Variants in MALRD1 observed in about 807,000 individuals in gnomAD.
MALRD1 encodes MAM and LDL receptor class A domain containing 1.
In MALRD1, 247 loss-of-function variants were observed where a neutral mutation model predicts 242.1. The ratio of observed to expected loss-of-function variants is 1.02; its 90% CI spans 0.92 to 1.13. The LOEUF (loss-of-function observed/expected upper bound fraction) is 1.13. Ranked by LOEUF, MALRD1 falls within the 50% of genes most tolerant of loss-of-function variation. The probability of loss-of-function intolerance (pLI) is 0.00; values close to 1 mark genes in which losing one functional copy is unlikely to be tolerated. For missense variants in MALRD1, 2,989 were observed against 2,533.1 expected, an observed-to-expected ratio of 1.18 and a Z score of -3.86; for synonymous variants, 995 against 866.6, an observed-to-expected ratio of 1.15 and a Z score of -2.60.
At chr10:19,486,176 C>G (rs922131349) in intron 29 of MALRD1, among the ~76,000 whole-genome samples, 1 of 152,118 alleles carries the variant, frequency 6.6e-6, no homozygotes. Flanking sequence ...TCAGAGGTTT[C>G]CATTTACTTA....
intron 36 of MALRD1, among the ~76,000 whole-genome samples, chr10:19,687,535 A>T (rs1435118956): frequency 6.6e-6 from 1 of 152,190 alleles, no homozygotes; most frequent in African/African-American, 2.4e-5. Flanking sequence ...TTACCTTCAC[A>T]GAGCTTATCC....
chr10:19,201,413 G>A lies in MALRD1; in HGVS notation c.1952-2315G>A, dbSNP rs74745160. On this transcript the variant is annotated intron_variant, in intron 14 of 39. Coordinates refer to ENST00000454679, the MANE Select transcript of MALRD1 (RefSeq NM_001142308.3). ...GATTTCTTAAATTTTACTACCATTC[G>A]AATATTCACTTATTTCTATAGCAAT... Among the ~76,000 whole-genome samples the A allele has an allele frequency of 0.015, 2,337 of 152,158 alleles. 99 individuals carry two copies. In the East Asian group the frequency reaches 0.18, roughly 12 times the overall value.
intron 39 of MALRD1, 66 bp downstream of exon 39, chr10:19,730,847 C>A: frequency 7.3e-7 from 1 of 1,362,630 alleles, no homozygotes; most frequent in Non-Finnish European, 1.0e-6. Flanking sequence ...CACACACACA[C>A]ACAGGCTGAA....
intron 11 of MALRD1, among the ~76,000 whole-genome samples, chr10:19,153,453 T>G (rs1161732326): frequency 1.3e-5 from 2 of 152,182 alleles, no homozygotes; most frequent in African/African-American, 4.8e-5. Context: ...CAGTGGCTCA[T>G]GCCTGAAATC....
At chr10:19,609,528 C>A (rs1838790553) in intron 35 of MALRD1, among the ~76,000 whole-genome samples, 1 of 151,990 alleles carries the variant, frequency 6.6e-6, no homozygotes, top group Admixed American at 6.6e-5. Flanking sequence ...TAAACCCAAT[C>A]CTTACAGCAT....
chr10:19,310,372 A>T (rs922523886), intron 21 of MALRD1, among the ~76,000 whole-genome samples: 23 of 151,522 alleles, frequency 1.5e-4, no homozygotes, highest in African/African-American at 5.6e-4. Context: ...AACTATATTT[A>T]AACGCTGAAT....
intron 29 of MALRD1, among the ~76,000 whole-genome samples, chr10:19,463,584 G>A (rs76921836): frequency 0.78 from 117,249 of 150,074 alleles, 45,659 homozygotes; most frequent in East Asian, 1. Flanking sequence ...GTGTGTGTGT[G>A]TGTGTGTATA....
intron 21 of MALRD1, among the ~76,000 whole-genome samples, chr10:19,323,362 G>T (rs1196330732): frequency 6.6e-6 from 1 of 152,048 alleles, no homozygotes; most frequent in Non-Finnish European, 1.5e-5. Context: ...TAGAGTATTA[G>T]TGGTATTATT....
At chr10:19,192,040 A>T (rs1022643319) in intron 14 of MALRD1, among the ~76,000 whole-genome samples, 10 of 152,172 alleles carry the variant, frequency 6.6e-5, no homozygotes, top group African/African-American at 1.2e-4. Context: ...TAAAATAAAA[A>T]AAAAACTTGA....
intron 4 of MALRD1, among the ~76,000 whole-genome samples, chr10:19,102,648 A>G (rs938377325): frequency 6.9e-6 from 1 of 144,636 alleles, no homozygotes; most frequent in Non-Finnish European, 1.5e-5. Flanking sequence ...CATCACATCC[A>G]TGAACAAAGC....
At chr10:19,692,235 T>C in intron 36 of MALRD1, 47 bp from the exon 37 acceptor site, 1 of 1,383,310 alleles carries the variant, frequency 7.2e-7, no homozygotes, top group Non-Finnish European at 9.9e-7. Flanking sequence ...TTCAAATATC[T>C]TTTCACTTTT....
chr10:19,245,020 G>A (rs1358973164), intron 18 of MALRD1, among the ~76,000 whole-genome samples: 1 of 152,150 alleles, frequency 6.6e-6, no homozygotes, highest in Non-Finnish European at 1.5e-5. Context: ...CTCTGTCAGT[G>A]AGCTTGCATC....
chr10:19,451,335 G>A (rs540425492), intron 29 of MALRD1, among the ~76,000 whole-genome samples: 6 of 152,140 alleles, frequency 3.9e-5, no homozygotes, highest in Admixed American at 6.6e-5. Context: ...TGCTACTCCA[G>A]CCTGTGAACA....
chr10:19,329,391 G>T (rs896215917), intron 23 of MALRD1, among the ~76,000 whole-genome samples: 8 of 143,318 alleles, frequency 5.6e-5, no homozygotes, highest in African/African-American at 1.6e-4. Flanking sequence ...TCACTGGGAA[G>T]CTTGTATAAT....
intron 36 of MALRD1, among the ~76,000 whole-genome samples, 197 bp from the exon 37 acceptor site, chr10:19,692,085 T>G (rs1027624358): frequency 6.6e-6 from 1 of 152,146 alleles, no homozygotes; most frequent in Non-Finnish European, 1.5e-5. Flanking sequence ...GAAAATTATC[T>G]TACACAATGA....
chr10:19,244,992 G>A (rs565355272), intron 18 of MALRD1, among the ~76,000 whole-genome samples: 12 of 152,236 alleles, frequency 7.9e-5, no homozygotes, highest in Admixed American at 1.3e-4. Flanking sequence ...GTTAAATTAC[G>A]TTACAGTAAC....
chr10:19,716,468 CTG>C (rs1400616762), intron 38 of MALRD1, among the ~76,000 whole-genome samples: 1 of 152,200 alleles, frequency 6.6e-6, no homozygotes, highest in East Asian at 1.9e-4. Flanking sequence ...TTCCACCTGA[CTG>C]TATATTTCCT....
Position 19,136,781 on chromosome 10 carries a change from T to C in MALRD1, c.1411T>C (p.Ser471Pro). 2 of 1,231,214 alleles carry C rather than the reference T, an allele frequency of 1.6e-6. No individual in the cohort carries two copies. The highest frequency in any genetic ancestry group is 2.0e-6 in the Non-Finnish European group (2 of 987,490). The allele number at this position is 1,231,214 out of a possible 1,614,324, so 76.3% of individuals were successfully genotyped here. A position where few individuals can be genotyped will look rare whatever the true frequency, so the allele number is the denominator to read the frequency against. Residue 471 changes from serine (S) to proline (P), a missense_variant and splice_region_variant, in exon 10 of 40, where the codon TCA becomes CCA. Coordinates refer to ENST00000454679, the MANE Select transcript of MALRD1 (RefSeq NM_001142308.3). The part of the protein sequence containing the change: ...DESDEDPATC[S>P]KHLTCDFESG... ...GAGTGATGAAGACCCAGCAACTTGCTGTAAGTGAGTGAATGGCTTACTAGT... is the reference window on the plus strand; with the variant it reads ...GAGTGATGAAGACCCAGCAACTTGCCGTAAGTGAGTGAATGGCTTACTAGT...
chr10:19,168,262 G>C (rs76243629), intron 13 of MALRD1, among the ~76,000 whole-genome samples: 12,438 of 152,222 alleles, frequency 0.082, 590 homozygotes, highest in Non-Finnish European at 0.11. Context: ...GCTGGTCATG[G>C]AATCATTTTG....
Sources: gnomAD v4.1 joint callset for allele counts (sites outside exome capture counted in the v4.1 genomes callset) on GRCh38, gnomAD v4.1.1 for gene constraint, MANE v1.5 for transcripts, NCBI Gene and HGNC (gene_info 2026-07-23, HGNC 2026-07-21) for gene names.